The following MMP1 variants were observed in gnomAD, a reference collection of about 807,000 sequenced individuals.
The protein encoded by MMP1 is matrix metallopeptidase 1.
Under a neutral mutation model 49.6 loss-of-function variants are expected in MMP1, and 51 were observed. That is an observed-to-expected ratio of 1.03 (90% confidence interval 0.82 to 1.30). The LOEUF (loss-of-function observed/expected upper bound fraction) is 1.30. MMP1 is among the 50% of genes most tolerant of loss of function. MMP1 has a pLI of 0.00. For missense variants in MMP1, 623 were observed against 568.7 expected (o/e 1.10, Z -0.97); for synonymous variants, 230 against 196.8 (o/e 1.17, Z -1.41).
In MMP1 at chr11:102,791,364, T is replaced by A; in HGVS notation, c.1165A>T (p.Thr389Ser). ...AALSEENTGK[T>S]YFFVANKYWR... is the part of the protein sequence containing the mutation. The stretch of plus-strand genomic sequence containing the variant: ...TATTTGTTAGCAACAAAGAAGTAGG[T>A]TTTTCCAGTGTTTTCCTCAGAAAGA... The change falls in exon 8 of 10, where the codon ACC (threonine) becomes TCC (serine). Residue 389 changes from threonine (T) to serine (S), a missense_variant. Physicochemically the swap from Thr to Ser is moderately conservative, Grantham distance 58. Transcript: ENST00000315274. The A allele has an allele frequency of 6.2e-7, 1 of 1,613,904 alleles. No individual in the cohort carries two copies. Among genetic ancestry groups the A allele is most frequent in the South Asian group, 1.1e-5 (1 of 91,068 alleles).
chr11:102,794,357 A>C lies in MMP1; in HGVS notation c.899+817T>G, dbSNP rs1412543562. ...TGTTGATCTTTCTGTGGACTGCATCATTCACCAAATGCGGTGTGCAATAAC... is the reference window on the plus strand; with the variant it reads ...TGTTGATCTTTCTGTGGACTGCATCCTTCACCAAATGCGGTGTGCAATAAC... On this transcript the variant is annotated intron_variant, in intron 6 of 9. Transcript: ENST00000315274. The surrounding 1 kb of genome is among the most constrained non-coding windows in gnomAD (Gnocchi z 4.3). Among the ~76,000 whole-genome samples the C allele has an allele frequency of 6.6e-6, 1 of 152,198 alleles. No homozygotes were observed. Among genetic ancestry groups the C allele is most frequent in the East Asian group, 1.9e-4 (1 of 5,198 alleles).
intron 1 of MMP1, 129 bp downstream of exon 1, chr11:102,797,859 G>A (rs1858245777): frequency 3.0e-6 from 2 of 659,820 alleles, no homozygotes; most frequent in South Asian, 2.1e-5. Flanking sequence ...TGGGTGGAGG[G>A]TGCTGTTTCT....
intron 7 of MMP1, 115 bp downstream of exon 7, chr11:102,792,490 G>T: frequency 9.7e-7 from 1 of 1,036,144 alleles, no homozygotes; most frequent in Non-Finnish European, 1.4e-6. Flanking sequence ...TGGTTGGTGA[G>T]ACTGAGATTT....
chr11:102,791,546 A>G (rs375290235), intron 7 of MMP1, 51 bp from the exon 8 acceptor site: 1 of 1,592,290 alleles, frequency 6.3e-7, no homozygotes, highest in Non-Finnish European at 8.6e-7. Flanking sequence ...TTCAATAGGC[A>G]GTAAGTGAAT....
Position 102,796,658 on chromosome 11 carries a change from G to T in MMP1, c.625+6C>A. 6.2e-7 allele frequency: 1 copy of T among 1,612,416 alleles called. No homozygotes were observed. The highest frequency in any genetic ancestry group is 8.5e-7 in the Non-Finnish European group (1 of 1,179,316). Reference sequence around the variant, plus strand: ...GAATTGAGAGAGGCAAATTTGATTGGCTTACCTCTGAAATTGTTGGTCCAC... The same window carrying T: ...GAATTGAGAGAGGCAAATTTGATTGTCTTACCTCTGAAATTGTTGGTCCAC... On this transcript the variant is annotated splice_donor_region_variant and intron_variant, in intron 4 of 9. Transcript: ENST00000315274.
Position 102,794,398 on chromosome 11 carries a change from G to A in MMP1, c.899+776C>T, listed in dbSNP as rs778050024. Among the ~76,000 whole-genome samples, 1 of 152,218 alleles carries A rather than the reference G, an allele frequency of 6.6e-6. No individual in the cohort carries two copies. The highest frequency in any genetic ancestry group is 1.5e-5 in the Non-Finnish European group (1 of 68,040). ...GTGCAATAACACACCAAAAGAGTGTGTTATTATTTTGCCTGATCCTTTAGG... is the reference window on the plus strand; with the variant it reads ...GTGCAATAACACACCAAAAGAGTGTATTATTATTTTGCCTGATCCTTTAGG... On this transcript the variant is annotated intron_variant, in intron 6 of 9. Transcript: ENST00000315274. This position sits in a 1 kb window ranked among gnomAD's most constrained non-coding sequence, Gnocchi z 4.3.
rs754506439 is a variant in MMP1 at position 102,792,617 on chromosome 11, G to A, written c.1021C>T (p.Arg341Trp). ...AYEFADRDEV[R>W]FFKGNKYWAV... ...TTAGAAAGATTACCTTTGAAAAACC[G>A]GACTTCATCTCTGTCGGCAAATTCG... Residue 341 changes from arginine to tryptophan, a missense_variant, in exon 7 of 10, where the codon CGG becomes TGG. Physicochemically the swap from Arg to Trp is moderately radical, Grantham distance 101. Transcript: ENST00000315274. 2.5e-6 allele frequency: 4 copies of A among 1,613,290 alleles called. No homozygotes were observed. Among genetic ancestry groups the A allele is most frequent in the South Asian group, 1.1e-5 (1 of 90,836 alleles).
At chr11:102,791,171 T>G (rs1017881845) in intron 8 of MMP1, among the ~76,000 whole-genome samples, 162 bp downstream of exon 8, 1 of 152,216 alleles carries the variant, frequency 6.6e-6, no homozygotes, top group African/African-American at 2.4e-5. Flanking sequence ...CATTGTGTGA[T>G]GATTATTGGT....
chr11:102,793,652 T>C (rs1299325069), intron 6 of MMP1, among the ~76,000 whole-genome samples: 3 of 152,062 alleles, frequency 2.0e-5, no homozygotes, highest in Non-Finnish European at 2.9e-5. Context: ...GAAATTGAGG[T>C]TGGGGAGACT....
Position 102,797,461 on chromosome 11 carries a change from T to G in MMP1, c.145A>C (p.Arg49=). Residue 49 remains arginine (R), a synonymous_variant, in exon 2 of 10, where the codon AGG becomes CGG. Transcript: ENST00000315274. ...EKYYNLKNDG[R]QVEKRRNSGP... ...CTATTTCTCCGCTTTTCAACTTGCC[T>G]CCCATCATTCTTCAGGTTGTAGTAT... The G allele has an allele frequency of 6.2e-7, 1 of 1,614,168 alleles. No individual in the cohort carries two copies. Among genetic ancestry groups the G allele is most frequent in the Non-Finnish European group, 8.5e-7 (1 of 1,180,012 alleles).
chr11:102,790,785 A>G lies in MMP1; in HGVS notation c.1218T>C (p.Ser406=). ...KYWRYDEYKR[S]MDPGYPKMIA... ...TCATTTTGGGATAACCTGGATCCATAGATCGTTTATATTCATCATACCTGG... is the reference window on the plus strand; with the variant it reads ...TCATTTTGGGATAACCTGGATCCATGGATCGTTTATATTCATCATACCTGG... Residue 406 remains serine, a synonymous_variant, in exon 9 of 10, where the codon TCT becomes TCC. Coordinates refer to ENST00000315274, the MANE Select transcript of MMP1 (RefSeq NM_002421.4). 1.2e-6 allele frequency: 2 copies of G among 1,611,612 alleles called. No individual in the cohort carries two copies. Among genetic ancestry groups the G allele is most frequent in the Non-Finnish European group, 1.7e-6 (2 of 1,177,788 alleles).
intron 4 of MMP1, among the ~76,000 whole-genome samples, chr11:102,796,057 T>G (rs1858179314): frequency 6.6e-6 from 1 of 152,210 alleles, no homozygotes; most frequent in Non-Finnish European, 1.5e-5. Flanking sequence ...TTCAGGCGGT[T>G]CTCCTGCCTC....
intron 7 of MMP1, 113 bp downstream of exon 7, chr11:102,792,492 C>A: frequency 9.3e-7 from 1 of 1,078,010 alleles, no homozygotes; most frequent in Non-Finnish European, 1.3e-6. Flanking sequence ...GTTGGTGAGA[C>A]TGAGATTTTC....
At chr11:102,796,581 C>G in intron 4 of MMP1, 83 bp downstream of exon 4, 1 of 1,462,624 alleles carries the variant, frequency 6.8e-7, no homozygotes, top group South Asian at 1.4e-5. Flanking sequence ...TCTATGAATG[C>G]ATTCTTTCAA....
At chr11:102,793,864 A>G (rs1014843762) in intron 6 of MMP1, among the ~76,000 whole-genome samples, 2 of 152,220 alleles carry the variant, frequency 1.3e-5, no homozygotes, top group East Asian at 3.9e-4. Context: ...TCCAGGCCAC[A>G]GGGAAGCCTA....
chr11:102,795,326 C>T (rs1156731018), intron 5 of MMP1, 35 bp from the exon 6 acceptor site: 3 of 1,608,398 alleles, frequency 1.9e-6, no homozygotes, highest in African/African-American at 2.7e-5. Context: ...TTAGTTTTGC[C>T]TAGTATTAGA....
In MMP1 at chr11:102,790,271, T is replaced by C. The variant is rs5031038; in HGVS notation, c.*141A>G. 506 of 530,494 alleles carry C rather than the reference T, an allele frequency of 9.5e-4. 4 individuals are homozygous for C. The highest frequency in any genetic ancestry group is 3.3e-4 in the Non-Finnish European group (99 of 299,132). 32.9% of individuals were successfully genotyped at this position (530,494 alleles called of 1,614,324 possible). A position where few individuals can be genotyped will look rare whatever the true frequency, so the allele number is the denominator to read the frequency against. On this transcript the variant is annotated 3_prime_UTR_variant, in exon 10 of 10. Coordinates refer to ENST00000315274, the MANE Select transcript of MMP1 (RefSeq NM_002421.4). ...CTACATTCTAAATAGTAAAAAAATA[T>C]GCAAACTGAGGTATAAATAAGATTA...
In MMP1 at chr11:102,797,937, A is replaced by G. The variant is rs757086416; in HGVS notation, c.105+51T>C. On this transcript the variant is annotated intron_variant, in intron 1 of 9. Coordinates refer to ENST00000315274, the MANE Select transcript of MMP1 (RefSeq NM_002421.4). ...AAAAACTCTATTACATTACTGCAGA[A>G]AAATACAAACTAAAAATTTACATTA... The G allele has an allele frequency of 2.8e-6, 4 of 1,412,980 alleles. No homozygotes were observed. The African/African-American group carries it at 4.3e-5, about 15-fold the overall frequency. 87.5% of individuals were successfully genotyped at this position (1,412,980 alleles called of 1,614,324 possible).
rs867283995 is a variant in MMP1 at position 102,797,516 on chromosome 11, T to C, written c.106-16A>G. 3.1e-6 allele frequency: 5 copies of C among 1,613,094 alleles called. No homozygotes were observed. In the Middle Eastern group the frequency reaches 8.3e-4, roughly 266 times the overall value. On this transcript the variant is annotated splice_polypyrimidine_tract_variant and intron_variant, in intron 1 of 9. Coordinates refer to ENST00000315274, the MANE Select transcript of MMP1 (RefSeq NM_002421.4). ...CCAGGTATTTCTGACAAAAGAAAAT[T>C]ATCGAAACACTGCATGGGAAATCTT...
Sources: allele counts gnomAD v4.1 joint callset (sites outside exome capture counted in the v4.1 genomes callset), GRCh38; gene constraint gnomAD v4.1.1; non-coding constraint Gnocchi (gnomAD v3.1); transcripts MANE v1.5; gene names NCBI Gene and HGNC (gene_info 2026-07-23, HGNC 2026-07-21).